CSMD1: variants seen among roughly 807,000 people sequenced by gnomAD.
CSMD1 encodes the protein CUB and sushi domain-containing protein 1.
A neutral mutation model predicts 417.5 loss-of-function variants in CSMD1; 213 were observed. That is an observed-to-expected ratio of 0.51 (90% CI 0.46 to 0.57). The LOEUF (loss-of-function observed/expected upper bound fraction) is 0.57, where lower values mean the gene tolerates loss of function less well. Ranked by LOEUF, CSMD1 falls within the 20% of genes least tolerant of loss-of-function variation. The pLI is 0.00. For missense variants in CSMD1, 6,923 were observed against 4,529.7 expected, an observed-to-expected ratio of 1.53 and a Z score of -15.17; for synonymous variants, 2,862 against 1,736.8, an observed-to-expected ratio of 1.65 and a Z score of -16.11.
intron 1 of CSMD1, among the ~76,000 whole-genome samples, chr8:4,658,509 T>A (rs1804382014): frequency 6.6e-6 from 1 of 152,292 alleles, no homozygotes; most frequent in Middle Eastern, 3.4e-3. Context: ...AAACTCACTA[T>A]TCTACATTCA....
chr8:3,606,397 G>C (rs1380659468), intron 8 of CSMD1, among the ~76,000 whole-genome samples: 3 of 152,140 alleles, frequency 2.0e-5, no homozygotes, highest in Non-Finnish European at 2.9e-5. Context: ...GAGTACTGTA[G>C]GCAATTGAAC....
chr8:4,242,369 G>C (rs933318164), intron 3 of CSMD1, among the ~76,000 whole-genome samples: 1 of 152,114 alleles, frequency 6.6e-6, no homozygotes, highest in Non-Finnish European at 1.5e-5. Context: ...TCAAAGAGCT[G>C]TAAATGAGAG....
chr8:3,434,236 AG>A (rs1814408094), intron 12 of CSMD1, among the ~76,000 whole-genome samples: 1 of 152,194 alleles, frequency 6.6e-6, no homozygotes, highest in Non-Finnish European at 1.5e-5. Flanking sequence ...TACCTCTGTA[AG>A]GTACGACTAA....
intron 3 of CSMD1, among the ~76,000 whole-genome samples, chr8:4,110,137 A>C (rs183299106): frequency 1.6e-4 from 24 of 152,158 alleles, no homozygotes; most frequent in Admixed American, 2.0e-4. Context: ...TCTTAGAATA[A>C]TAAGGTTTAA....
intron 7 of CSMD1, among the ~76,000 whole-genome samples, chr8:3,690,460 T>C (rs1312200398): frequency 1.3e-5 from 2 of 152,248 alleles, no homozygotes; most frequent in East Asian, 3.8e-4. Flanking sequence ...ACAGTAGTGT[T>C]CAAGGCTTCT....
At chr8:3,709,874 T>G (rs1312392398) in intron 6 of CSMD1, among the ~76,000 whole-genome samples, 1 of 150,116 alleles carries the variant, frequency 6.7e-6, no homozygotes, top group Non-Finnish European at 1.5e-5. Flanking sequence ...TGTGTACACA[T>G]GCACATAAGG....
intron 2 of CSMD1, among the ~76,000 whole-genome samples, chr8:4,593,435 C>A (rs1266164310): frequency 6.6e-6 from 1 of 152,072 alleles, no homozygotes; most frequent in African/African-American, 2.4e-5. Flanking sequence ...AACTGAAATA[C>A]CCTTAAGCAC....
intron 4 of CSMD1, among the ~76,000 whole-genome samples, chr8:4,027,997 T>G (rs1797151227): frequency 1.3e-5 from 2 of 152,298 alleles, no homozygotes; most frequent in South Asian, 4.1e-4. Context: ...GTGAGATCAA[T>G]TAATTGAGAA....
chr8:3,526,809 T>C (rs6982687), intron 10 of CSMD1, among the ~76,000 whole-genome samples: 10,945 of 152,242 alleles, frequency 0.072, 1,149 homozygotes, highest in African/African-American at 0.23. Flanking sequence ...ACGCTGGTTA[T>C]GTATGTAACA....
chr8:3,373,953 T>A (rs1410367168), intron 18 of CSMD1, among the ~76,000 whole-genome samples: 98 of 464 alleles, frequency 0.21, no homozygotes, highest in Middle Eastern at 0.5. Context: ...CATCCAACTA[T>A]TTTTTTTTTT....
chr8:3,686,476 T>C (rs1419250249), intron 7 of CSMD1, among the ~76,000 whole-genome samples: 2 of 152,152 alleles, frequency 1.3e-5, no homozygotes, highest in East Asian at 1.9e-4. Context: ...TCTGGCATGT[T>C]TAAATTAAAG....
chr8:3,192,287 T>A (rs534401934), intron 33 of CSMD1, among the ~76,000 whole-genome samples: 2 of 152,134 alleles, frequency 1.3e-5, no homozygotes, highest in African/African-American at 4.8e-5. Context: ...AAGGATCTCT[T>A]ATCTGAAACG....
chr8:4,455,621 C>T (rs1003923485), intron 2 of CSMD1, among the ~76,000 whole-genome samples: 2 of 151,670 alleles, frequency 1.3e-5, no homozygotes, highest in East Asian at 3.9e-4. Flanking sequence ...TTTTCTCTTT[C>T]AGGAGGAAAA....
At chr8:3,152,035 C>T (rs1819228167) in intron 39 of CSMD1, among the ~76,000 whole-genome samples, 1 of 152,160 alleles carries the variant, frequency 6.6e-6, no homozygotes, top group Admixed American at 6.5e-5. Flanking sequence ...GTAAACAGTA[C>T]AACCAGAAGG....
intron 3 of CSMD1, among the ~76,000 whole-genome samples, chr8:4,198,570 A>C (rs994790615): frequency 2.0e-5 from 3 of 152,196 alleles, no homozygotes; most frequent in Non-Finnish European, 4.4e-5. Flanking sequence ...GAACGTGCAC[A>C]AGGAATTTTT....
rs531926904 is a variant in CSMD1 at position 4,845,632 on chromosome 8, C to T, written c.85+148700G>A. Among the ~76,000 whole-genome samples the T allele has an allele frequency of 2.0e-5, 3 of 152,264 alleles. No individual in the cohort carries two copies. In the South Asian group the frequency reaches 6.2e-4, roughly 32 times the overall value. ...GCCAGGCTCTCTTTTAGGAGCTTTG[C>T]ATTCAGTGTTGAAGAAGCACAGACG... On this transcript the variant is annotated intron_variant, in intron 1 of 69. Coordinates refer to ENST00000635120, the MANE Select transcript of CSMD1 (RefSeq NM_033225.6).
chr8:4,484,149 G>A (rs1272420173), intron 2 of CSMD1, among the ~76,000 whole-genome samples: 1 of 151,442 alleles, frequency 6.6e-6, no homozygotes, highest in Non-Finnish European at 1.5e-5. Context: ...AGGATTTGTG[G>A]AGGCCGCTTC....
intron 5 of CSMD1, among the ~76,000 whole-genome samples, chr8:3,908,820 C>G (rs535351388): frequency 2.0e-5 from 3 of 152,162 alleles, no homozygotes; most frequent in Non-Finnish European, 2.9e-5. Flanking sequence ...AACAGGATCT[C>G]TATGTGAGGA....
chr8:4,116,871 C>T (rs562091071), intron 3 of CSMD1, among the ~76,000 whole-genome samples: 2 of 151,984 alleles, frequency 1.3e-5, no homozygotes, highest in East Asian at 3.9e-4. Flanking sequence ...TACAATGTGC[C>T]AGAAAAAGAA....
Sources: allele counts gnomAD v4.1 joint callset (sites outside exome capture counted in the v4.1 genomes callset), GRCh38; gene constraint gnomAD v4.1.1; transcripts MANE v1.5; gene names NCBI Gene and HGNC (gene_info 2026-07-23, HGNC 2026-07-21).